The following PCDH15 variants were observed in gnomAD, a reference collection of about 807,000 sequenced individuals.
PCDH15 encodes the protein protocadherin-15.
In PCDH15, 129 loss-of-function variants were observed where a neutral mutation model predicts 178.5. That is an observed-to-expected ratio of 0.72 (90% CI 0.63 to 0.84). PCDH15 has a LOEUF of 0.84. PCDH15 is among the 40% of genes least tolerant of loss of function. The probability of loss-of-function intolerance (pLI) is 0.00; values close to 1 mark genes in which losing one functional copy is unlikely to be tolerated. For synonymous variants in PCDH15, 800 were observed against 732.0 expected, an observed-to-expected ratio of 1.09 and a Z score of -1.50; for missense variants, 2,230 against 2,099.9, an observed-to-expected ratio of 1.06 and a Z score of -1.21.
chr10:54,631,777 T>C (rs1401679652), intron 2 of PCDH15, among the ~76,000 whole-genome samples: 2 of 152,000 alleles, frequency 1.3e-5, no homozygotes, highest in Non-Finnish European at 2.9e-5. Context: ...AGAAGACAAA[T>C]GGGAAGCGAG....
At chr10:54,425,843 T>C (rs1442260269) in intron 3 of PCDH15, among the ~76,000 whole-genome samples, 1 of 152,110 alleles carries the variant, frequency 6.6e-6, no homozygotes, top group African/African-American at 2.4e-5. Flanking sequence ...TTTCAAAATT[T>C]TGATTTAGAA....
chr10:54,254,122 T>G, intron 8 of PCDH15, among the ~76,000 whole-genome samples: 1 of 152,030 alleles, frequency 6.6e-6, no homozygotes, highest in East Asian at 1.9e-4. Context: ...CAAAATACCA[T>G]AAACTCTATC....
At chr10:53,808,448 C>CTGAT (rs1264430307) in intron 37 of PCDH15, 7 of 1,259,106 alleles carry the variant, frequency 5.6e-6, no homozygotes, top group Non-Finnish European at 7.0e-6. Flanking sequence ...TATTGATTAG[C>CTGAT]TGATTGCATG....
At chr10:55,570,340 T>C (rs981980677) in intron 2 of PCDH15, among the ~76,000 whole-genome samples, 4 of 152,034 alleles carry the variant, frequency 2.6e-5, no homozygotes, top group Non-Finnish European at 5.9e-5. Flanking sequence ...GTTCACATTT[T>C]AGAGCTAGTC....
chr10:54,755,405 A>G (rs1049116659), intron 1 of PCDH15, among the ~76,000 whole-genome samples: 4 of 152,226 alleles, frequency 2.6e-5, no homozygotes, highest in Non-Finnish European at 5.9e-5. Flanking sequence ...TATTCCAACT[A>G]AAATACTGCA....
At chr10:54,171,170 C>A (rs1328516462) in intron 13 of PCDH15, among the ~76,000 whole-genome samples, 5 of 151,996 alleles carry the variant, frequency 3.3e-5, no homozygotes, top group African/African-American at 4.8e-5. Flanking sequence ...ACGGACGAGC[C>A]TTTATTAGTC....
intron 15 of PCDH15, among the ~76,000 whole-genome samples, chr10:54,117,499 C>T (rs1835858326): frequency 6.6e-6 from 1 of 152,120 alleles, no homozygotes; most frequent in South Asian, 2.1e-4. Context: ...GGATGGGGTG[C>T]CTGTTTCCGT....
intron 14 of PCDH15, among the ~76,000 whole-genome samples, chr10:54,136,414 C>G (rs1234597127): frequency 6.8e-6 from 1 of 147,564 alleles, no homozygotes; most frequent in African/African-American, 2.5e-5. Context: ...TTTTTTTTGA[C>G]CTGGAACATA....
At chr10:54,911,364 A>T (rs1954810775) in intron 2 of PCDH15, among the ~76,000 whole-genome samples, 1 of 152,220 alleles carries the variant, frequency 6.6e-6, no homozygotes, top group African/African-American at 2.4e-5. Context: ...ATACTGATTT[A>T]AGGAAATTAA....
chr10:53,838,608 A>C (rs1039329134), intron 29 of PCDH15, among the ~76,000 whole-genome samples: 1 of 152,184 alleles, frequency 6.6e-6, no homozygotes, highest in African/African-American at 2.4e-5. Context: ...CGTGAAATTT[A>C]AAAACAAAAC....
chr10:54,392,344 T>TGG (rs1449138729), intron 3 of PCDH15, among the ~76,000 whole-genome samples: 8 of 150,996 alleles, frequency 5.3e-5, no homozygotes, highest in African/African-American at 1.9e-4. Context: ...TGGGCGCCTG[T>TGG]GATCCCAGCT....
At chr10:54,022,116 T>C in intron 19 of PCDH15, among the ~76,000 whole-genome samples, 1 of 150,552 alleles carries the variant, frequency 6.6e-6, no homozygotes, top group Non-Finnish European at 1.5e-5. Context: ...GAAAAATGGC[T>C]ACTTTTTTTT....
At chr10:53,810,737 T>C (rs1251498327) in intron 36 of PCDH15, 73 bp from the exon 37 acceptor site, 6 of 1,329,436 alleles carry the variant, frequency 4.5e-6, no homozygotes, top group Non-Finnish European at 3.2e-6. Context: ...GTGATCTGTT[T>C]CCTTCTTTTT....
intron 16 of PCDH15, among the ~76,000 whole-genome samples, chr10:54,085,898 T>C (rs1322142643): frequency 2.6e-5 from 4 of 152,176 alleles, no homozygotes; most frequent in Non-Finnish European, 5.9e-5. Context: ...AGAATTTGCA[T>C]TATAGCATAA....
intron 3 of PCDH15, among the ~76,000 whole-genome samples, chr10:54,852,977 C>G (rs1458354613): frequency 1.3e-5 from 2 of 150,210 alleles, no homozygotes; most frequent in Non-Finnish European, 3.0e-5. Flanking sequence ...AATAGTATTA[C>G]AGGCCTGGTG....
chr10:53,850,172 T>C (rs1198561043), intron 28 of PCDH15, among the ~76,000 whole-genome samples: 4 of 152,094 alleles, frequency 2.6e-5, no homozygotes, highest in Non-Finnish European at 5.9e-5. Context: ...ATCATCTTTG[T>C]TCCATGTGAT....
intron 3 of PCDH15, among the ~76,000 whole-genome samples, chr10:54,870,341 G>C (rs1954013841): frequency 1.3e-5 from 2 of 152,158 alleles, no homozygotes; most frequent in South Asian, 4.1e-4. Flanking sequence ...TGCTGTTGCA[G>C]GTGGCCTGGG....
At chr10:54,491,594 A>G (rs1398495800) in intron 3 of PCDH15, among the ~76,000 whole-genome samples, 4 of 152,298 alleles carry the variant, frequency 2.6e-5, no homozygotes, top group African/African-American at 9.6e-5. Context: ...GGGAAGAAAT[A>G]AAGAAAGCAG....
At chr10:55,497,871 G>A (rs1840570637) in intron 2 of PCDH15, among the ~76,000 whole-genome samples, 1 of 151,886 alleles carries the variant, frequency 6.6e-6, no homozygotes, top group African/African-American at 2.4e-5. Flanking sequence ...GGAAAGATGT[G>A]AAATGGAAAA....
Sources: allele counts gnomAD v4.1 joint callset (sites outside exome capture counted in the v4.1 genomes callset), GRCh38; gene constraint gnomAD v4.1.1; transcripts MANE v1.5; gene names NCBI Gene and HGNC (gene_info 2026-07-23, HGNC 2026-07-21).